Variants in SPTBN4 observed in about 807,000 individuals in gnomAD.
The protein encoded by SPTBN4 is spectrin beta chain, non-erythrocytic 4.
SPTBN4 carries 96 observed loss-of-function variants against 277.8 expected under a neutral mutation model. The observed-to-expected ratio is 0.35, with a 90% CI of 0.29 to 0.41. The LOEUF (loss-of-function observed/expected upper bound fraction) is 0.41. Ranked by LOEUF, SPTBN4 falls within the 10% of genes least tolerant of loss-of-function variation. SPTBN4 has a pLI of 1.00. For synonymous variants in SPTBN4, 1,481 were observed against 1,580.3 expected (o/e 0.94, Z 1.49); for missense variants, 3,006 against 3,595.7 (o/e 0.84, Z 4.19).
At chr19:40,523,391 G>A (rs760701826) in intron 16 of SPTBN4, 46 bp from the exon 17 acceptor site, 1 of 1,538,584 alleles carries the variant, frequency 6.5e-7, no homozygotes, top group African/African-American at 1.4e-5. Context: ...CCCAGGTCCT[G>A]GAATGGAATG....
At chr19:40,504,201 G>A in intron 12 of SPTBN4, 69 bp downstream of exon 12, 1 of 1,494,292 alleles carries the variant, frequency 6.7e-7, no homozygotes. Flanking sequence ...CGCTGAAAGA[G>A]TTGTCAGACA....
At chr19:40,525,543 G>GA (rs2080580685) in intron 17 of SPTBN4, among the ~76,000 whole-genome samples, 1 of 152,122 alleles carries the variant, frequency 6.6e-6, no homozygotes, top group Admixed American at 6.6e-5. Flanking sequence ...CGAGGAGGAG[G>GA]AGCCCGGGGG....
chr19:40,539,173 A>G (rs948496666), intron 20 of SPTBN4, among the ~76,000 whole-genome samples: 1 of 152,174 alleles, frequency 6.6e-6, no homozygotes, highest in Middle Eastern at 3.2e-3. Flanking sequence ...AGTGATTACT[A>G]ATTCTTCCCC....
chr19:40,475,960 C>T (rs1391722317), intron 2 of SPTBN4, among the ~76,000 whole-genome samples: 1 of 151,938 alleles, frequency 6.6e-6, no homozygotes, highest in African/African-American at 2.4e-5. Flanking sequence ...GTGGGAGAAT[C>T]TCCTGAGCCC....
Position 40,515,501 on chromosome 19 carries a change from A to G in SPTBN4, c.2903+53A>G. ...TCCCATCCTTCCCTTCCACACTCAC[A>G]CAGCCATGGACAGCAAGATGTGCAA... On this transcript the variant is annotated intron_variant, in intron 15 of 35. Transcript: ENST00000598249. This position sits in a 1 kb window ranked among gnomAD's most constrained non-coding sequence, Gnocchi z 4.1. 2.0e-6 allele frequency: 3 copies of G among 1,471,196 alleles called. No homozygotes were observed. The highest frequency in any genetic ancestry group is 2.7e-6 in the Non-Finnish European group (3 of 1,106,002). 91.1% of individuals were successfully genotyped at this position (1,471,196 alleles called of 1,614,324 possible). A position where few individuals can be genotyped will look rare whatever the true frequency, so the allele number is the denominator to read the frequency against.
intron 32 of SPTBN4, among the ~76,000 whole-genome samples, chr19:40,570,220 CGA>C (rs770827553): frequency 2.0e-5 from 3 of 151,958 alleles, no homozygotes; most frequent in African/African-American, 7.3e-5. Flanking sequence ...TTTCCACCAC[CGA>C]GAGAGATTCC....
At position 40,575,832 on chromosome 19, in the gene SPTBN4, C is replaced by T. The variant is rs2081197443; in HGVS notation, c.*263C>T. Reference sequence around the variant, plus strand: ...GGGGTCCCTTATTTTTATGCAATAACTGAGCTTGATGGGGGTGGGCAGGGG... The same window carrying T: ...GGGGTCCCTTATTTTTATGCAATAATTGAGCTTGATGGGGGTGGGCAGGGG... On this transcript the variant is annotated 3_prime_UTR_variant, in exon 36 of 36. Coordinates refer to ENST00000598249, the MANE Select transcript of SPTBN4 (RefSeq NM_020971.3). 6.2e-6 allele frequency: 2 copies of T among 320,610 alleles called. No individual in the cohort carries two copies. Among genetic ancestry groups the T allele is most frequent in the South Asian group, 1.1e-4 (2 of 17,752 alleles). The allele number at this position is 320,610 out of a possible 1,614,324, so 19.9% of individuals were successfully genotyped here. A position where few individuals can be genotyped will look rare whatever the true frequency, so the allele number is the denominator to read the frequency against.
chr19:40,568,228 A>G lies in SPTBN4; in HGVS notation c.6902A>G (p.Glu2301Gly). The G allele has an allele frequency of 6.2e-7, 1 of 1,601,372 alleles. No individual in the cohort carries two copies. Among genetic ancestry groups the G allele is most frequent in the Non-Finnish European group, 8.5e-7 (1 of 1,174,494 alleles). Residue 2301 changes from glutamate to glycine, a missense_variant, in exon 31 of 36, where the codon GAG becomes GGG. Glu to Gly is a moderately conservative substitution (Grantham distance 98). Transcript: ENST00000598249. ...CGCGAGCGGCGTGAGCGGCGCTTGG[A>G]GCGGCAGGAGTCCAGCGAACAGGAG... ...RRRERRERRL[E>G]RQESSEQEMP...
intron 14 of SPTBN4, 133 bp downstream of exon 14, chr19:40,513,687 T>C (rs2080421990): frequency 1.2e-5 from 12 of 986,194 alleles, no homozygotes; most frequent in Non-Finnish European, 1.4e-5. Context: ...ATAGCCAGCT[T>C]TGTGACAGTT....
At chr19:40,530,012 C>T (rs570981096) in intron 18 of SPTBN4, among the ~76,000 whole-genome samples, 12 of 152,306 alleles carry the variant, frequency 7.9e-5, no homozygotes, top group Admixed American at 6.5e-4. Flanking sequence ...ACCGTGCCCC[C>T]CTCCCCCATA....
chr19:40,520,204 G>A, intron 16 of SPTBN4, 53 bp downstream of exon 16: 2 of 1,298,770 alleles, frequency 1.5e-6, no homozygotes, highest in South Asian at 4.2e-5. Context: ...GCCGCGGGGG[G>A]ATTGCAGGGA....
chr19:40,552,300 A>G (rs2080926539), intron 22 of SPTBN4, among the ~76,000 whole-genome samples: 1 of 151,158 alleles, frequency 6.6e-6, no homozygotes, highest in Non-Finnish European at 1.5e-5. Flanking sequence ...CTAAAAACAC[A>G]AAAAATTAGC....
chr19:40,506,360 C>T lies in SPTBN4; in HGVS notation c.1790C>T (p.Ala597Val), dbSNP rs756653599. The T allele has an allele frequency of 1.2e-6, 2 of 1,613,164 alleles. No individual in the cohort carries two copies. Among genetic ancestry groups the T allele is most frequent in the East Asian group, 2.2e-5 (1 of 44,868 alleles). ...QSERVEALNA[A>V]ALRFSQLQGY... ...GAGCGGGTGGAGGCTCTCAATGCCG[C>T]TGCCCTGCGCTTCTCCCAGCTGCAG... Residue 597 changes from alanine to valine, a missense_variant, in exon 13 of 36, where the codon GCT (alanine) becomes GTT (valine). Around this residue, in one of 5 missense-constraint regions of SPTBN4, gnomAD observed 1,759 missense variants for 2,061.5 expected, o/e 0.85. Coordinates refer to ENST00000598249, the MANE Select transcript of SPTBN4 (RefSeq NM_020971.3).
At position 40,502,692 on chromosome 19, in the gene SPTBN4, C is replaced by T. The variant is rs2080277185; in HGVS notation, c.1204-83C>T. 2 of 1,549,374 alleles carry T rather than the reference C, an allele frequency of 1.3e-6. No homozygotes were observed. The highest frequency in any genetic ancestry group is 2.7e-5 in the African/African-American group (2 of 72,950). On this transcript the variant is annotated intron_variant, in intron 10 of 35. Coordinates refer to ENST00000598249, the MANE Select transcript of SPTBN4 (RefSeq NM_020971.3). This position sits in a 1 kb window ranked among gnomAD's most constrained non-coding sequence, Gnocchi z 4.9. ...CAATTTGCATGAAGTTGCCATAATGCTATGAGTGACCTCAGACTAAGTCAA... is the reference window on the plus strand; with the variant it reads ...CAATTTGCATGAAGTTGCCATAATGTTATGAGTGACCTCAGACTAAGTCAA...
chr19:40,564,082 C>T (rs554528336), intron 27 of SPTBN4, among the ~76,000 whole-genome samples: 10 of 151,776 alleles, frequency 6.6e-5, no homozygotes, highest in East Asian at 1.9e-4. Flanking sequence ...AGGCTGGGTG[C>T]GGTGGCTCAC....
rs867822095 is a variant in SPTBN4, at chr19:40,504,552, C to T, written c.1665+420C>T. Among the ~76,000 whole-genome samples, 20 of 152,056 alleles carry T rather than the reference C, an allele frequency of 1.3e-4. No individual in the cohort carries two copies. In the South Asian group the frequency reaches 1.7e-3, roughly 13 times the overall value. On this transcript the variant is annotated intron_variant, in intron 12 of 35. Coordinates refer to ENST00000598249, the MANE Select transcript of SPTBN4 (RefSeq NM_020971.3). Reference sequence around the variant, plus strand: ...GGCGTAGTGGCGGGCGCCTGTAGTCCCAGCTACTTGGGAGGCTGAGGCAGG... The same window carrying T: ...GGCGTAGTGGCGGGCGCCTGTAGTCTCAGCTACTTGGGAGGCTGAGGCAGG...
At chr19:40,492,032 A>G (rs2080143275) in intron 4 of SPTBN4, among the ~76,000 whole-genome samples, 1 of 138,558 alleles carries the variant, frequency 7.2e-6, no homozygotes, top group South Asian at 2.2e-4. Context: ...AAAAAAAACA[A>G]AAACAAAACA....
At chr19:40,489,528 G>C (rs984355523) in intron 3 of SPTBN4, among the ~76,000 whole-genome samples, 3 of 152,062 alleles carry the variant, frequency 2.0e-5, no homozygotes, top group African/African-American at 7.2e-5. Flanking sequence ...CTAGGATTGC[G>C]GGAGCGCGCT....
chr19:40,503,080 C>A, intron 11 of SPTBN4, 147 bp downstream of exon 11: 2 of 1,054,890 alleles, frequency 1.9e-6, no homozygotes, highest in Non-Finnish European at 2.7e-6. Flanking sequence ...GGATGGGAGA[C>A]TTGGCCTTCC....
Sources: allele counts gnomAD v4.1 joint callset (sites outside exome capture counted in the v4.1 genomes callset), GRCh38; gene constraint gnomAD v4.1.1; regional missense constraint gnomAD v4.1.1; non-coding constraint Gnocchi (gnomAD v3.1); transcripts MANE v1.5; gene names NCBI Gene and HGNC (gene_info 2026-07-23, HGNC 2026-07-21).